YBX3: variants seen among roughly 807,000 people sequenced by gnomAD.
YBX3 encodes Y-box binding protein 3, also known as Y-box-binding protein 3.
YBX3 carries 29 observed loss-of-function variants against 42.4 expected under a neutral mutation model. The ratio of observed to expected loss-of-function variants is 0.68; its 90% confidence interval spans 0.51 to 0.93. The LOEUF (loss-of-function observed/expected upper bound fraction) is 0.93, where lower values mean the gene tolerates loss of function less well. Among genes scored for constraint, YBX3 ranks in the 40% least tolerant of loss-of-function variants. The pLI, the probability that YBX3 is intolerant of heterozygous loss-of-function variation, is 0.00. For synonymous variants in YBX3, 195 were observed against 189.8 expected, an observed-to-expected ratio of 1.03 and a Z score of -0.22; for missense variants, 517 against 527.5, an observed-to-expected ratio of 0.98 and a Z score of 0.19.
At chr12:10,717,289 G>A (rs1197650438) in intron 3 of YBX3, among the ~76,000 whole-genome samples, 1 of 152,162 alleles carries the variant, frequency 6.6e-6, no homozygotes, top group Non-Finnish European at 1.5e-5. Flanking sequence ...AGAATGGGCT[G>A]GCATTAGTAC....
intron 4 of YBX3, among the ~76,000 whole-genome samples, chr12:10,714,377 T>A (rs932943641): frequency 1.3e-5 from 2 of 152,176 alleles, no homozygotes; most frequent in Non-Finnish European, 2.9e-5. Context: ...CTATATGTAG[T>A]TTTAGCGTGT....
At chr12:10,717,270 C>T (rs1948273218) in intron 3 of YBX3, among the ~76,000 whole-genome samples, 1 of 152,154 alleles carries the variant, frequency 6.6e-6, no homozygotes, top group Admixed American at 6.5e-5. Context: ...TGGATTTCTG[C>T]ACTGCAAGAG....
chr12:10,710,655 T>C (rs1249647285), intron 5 of YBX3: 2 of 1,086,204 alleles, frequency 1.8e-6, no homozygotes, highest in African/African-American at 3.3e-5. Context: ...GCTATTTGCC[T>C]TTCCCAGGCA....
At chr12:10,708,864 G>A (rs930950197) in intron 6 of YBX3, among the ~76,000 whole-genome samples, 3 of 152,224 alleles carry the variant, frequency 2.0e-5, no homozygotes, top group Non-Finnish European at 4.4e-5. Flanking sequence ...CAAACACTAA[G>A]GAGGAGTATT....
rs1948255103 is a variant in YBX3, at chr12:10,715,791, GA to G, written c.361-9del. The G allele has an allele frequency of 1.2e-6, 2 of 1,612,172 alleles. No individual in the cohort carries two copies. Among genetic ancestry groups the G allele is most frequent in the African/African-American group, 2.7e-5 (2 of 74,998 alleles). ...ATTCTTCTTGATGGCAGTCTGGAAA[GA>G]GAACAGAAAATTTTATTCGATGTAT... On this transcript the variant is annotated splice_polypyrimidine_tract_variant and intron_variant, in intron 3 of 9. Coordinates refer to ENST00000228251, the MANE Select transcript of YBX3 (RefSeq NM_003651.5).
rs1042376565 is a variant in YBX3, at chr12:10,719,206, T to C, written c.263-63A>G. 9 of 1,374,786 alleles carry C rather than the reference T, an allele frequency of 6.5e-6. No homozygotes were observed. The African/African-American group carries it at 1.0e-4, about 15-fold the overall frequency. 85.2% of individuals were successfully genotyped at this position (1,374,786 alleles called of 1,614,324 possible). A position where few individuals can be genotyped will look rare whatever the true frequency, so the allele number is the denominator to read the frequency against. ...TACAGAGAGATATAGCTCATATCAC[T>C]AAGATCTTGATAACATTAGACAAAG... On this transcript the variant is annotated intron_variant, in intron 1 of 9. Transcript: ENST00000228251.
In YBX3 at chr12:10,723,194, G is replaced by C; in HGVS notation, c.-83C>G. The C allele has an allele frequency of 8.5e-7, 1 of 1,178,392 alleles. No homozygotes were observed. Among genetic ancestry groups the C allele is most frequent in the East Asian group, 3.7e-5 (1 of 26,692 alleles). The allele number at this position is 1,178,392 out of a possible 1,614,324, so 73.0% of individuals were successfully genotyped here. A position where few individuals can be genotyped will look rare whatever the true frequency, so the allele number is the denominator to read the frequency against. On this transcript the variant is annotated 5_prime_UTR_variant, in exon 1 of 10. Coordinates refer to ENST00000228251, the MANE Select transcript of YBX3 (RefSeq NM_003651.5). ...CGCGGCTGGTGGTCGCGGCGGCCGG[G>C]GCTCGCTCTCGGGGAGGCCGGGGCG...
chr12:10,722,502 C>T (rs74063018), intron 1 of YBX3: 106 of 177,280 alleles, frequency 6.0e-4, no homozygotes, highest in African/African-American at 2.4e-3. Context: ...CCCAGACTGC[C>T]TCTCCTTTCT....
intron 4 of YBX3, among the ~76,000 whole-genome samples, chr12:10,715,043 C>A (rs1948244441): frequency 6.6e-6 from 1 of 151,842 alleles, no homozygotes; most frequent in Non-Finnish European, 1.5e-5. Flanking sequence ...GGCCACCACG[C>A]CCAGCTGCAA....
At chr12:10,712,179 T>C (rs1294640166) in intron 5 of YBX3, 2 of 152,222 alleles carry the variant, frequency 1.3e-5, no homozygotes, top group Non-Finnish European at 2.9e-5. Flanking sequence ...CTGCAGATAT[T>C]TAATTCTGAT....
intron 6 of YBX3, among the ~76,000 whole-genome samples, chr12:10,709,655 C>G (rs993702972): frequency 6.6e-6 from 1 of 152,186 alleles, no homozygotes; most frequent in Non-Finnish European, 1.5e-5. Flanking sequence ...TTCTTTTGTT[C>G]TTCTATCAAC....
Position 10,702,037 on chromosome 12 carries a change from G to A in YBX3, c.976C>T (p.Arg326Cys), listed in dbSNP as rs1345591503. 1.2e-5 allele frequency: 20 copies of A among 1,614,032 alleles called. No individual in the cohort carries two copies. The highest frequency in any genetic ancestry group is 4.5e-5 in the East Asian group (2 of 44,886). The change falls in exon 8 of 10, where the codon CGC (arginine) becomes TGC (cysteine). Residue 326 changes from arginine to cysteine, a missense_variant. Arg to Cys is a radical substitution (Grantham distance 180). Around this residue, in one of 3 missense-constraint regions of YBX3, gnomAD observed 420 missense variants for 408.5 expected, o/e 1.03. Transcript: ENST00000228251. ...TTGTAGGGACGCCGGTATCCACGGC[G>A]AACAGACGGCTGGTTTGGACCACTG... ...ATSGPNQPSV[R>C]RGYRRPYNYR...
intron 8 of YBX3, 134 bp from the exon 9 acceptor site, chr12:10,701,487 T>G (rs1340734947): frequency 3.5e-5 from 23 of 657,372 alleles, no homozygotes; most frequent in Non-Finnish European, 5.8e-5. Flanking sequence ...CTCTTAAGTA[T>G]GAGTCACAAA....
In YBX3 at chr12:10,701,258, C is replaced by G. The variant is rs369517665; in HGVS notation, c.*30G>C. On this transcript the variant is annotated 3_prime_UTR_variant, in exon 9 of 10. Transcript: ENST00000228251. ...CTGGGCTGCCCCAGCTCTTACCTGC[C>G]GATGGTGAAGGTGCCTGAGGAGCCT... 1.3e-6 allele frequency: 1 copy of G among 778,484 alleles called. No individual in the cohort carries two copies. The highest frequency in any genetic ancestry group is 2.4e-6 in the Non-Finnish European group (1 of 417,654). The allele number at this position is 778,484 out of a possible 1,614,324, so 48.2% of individuals were successfully genotyped here. A position where few individuals can be genotyped will look rare whatever the true frequency, so the allele number is the denominator to read the frequency against.
chr12:10,714,404 T>C (rs1291602391), intron 4 of YBX3, among the ~76,000 whole-genome samples: 1 of 152,156 alleles, frequency 6.6e-6, no homozygotes, highest in African/African-American at 2.4e-5. Context: ...TCTTACTCAA[T>C]ATTGTTTTAC....
intron 6 of YBX3, among the ~76,000 whole-genome samples, chr12:10,705,238 C>T (rs937500907): frequency 6.6e-6 from 1 of 152,146 alleles, no homozygotes; most frequent in Non-Finnish European, 1.5e-5. Context: ...GGACTACAGG[C>T]ATGTGCCACC....
At chr12:10,715,609 C>A in intron 4 of YBX3, 85 bp downstream of exon 4, 2 of 1,248,344 alleles carry the variant, frequency 1.6e-6, no homozygotes, top group Admixed American at 1.9e-5. Context: ...AAAGTCATGT[C>A]AATTCATAAG....
chr12:10,718,183 C>T lies in YBX3; in HGVS notation c.327-62G>A. 6 of 1,499,038 alleles carry T rather than the reference C, an allele frequency of 4.0e-6. No homozygotes were observed. In the South Asian group the frequency reaches 6.0e-5, roughly 15 times the overall value. The allele number at this position is 1,499,038 out of a possible 1,614,324, so 92.9% of individuals were successfully genotyped here. ...ACGTATGTGGAAAAACTTAAAAGAA[C>T]CTATGTGTTATGAATTTAACTCCCA... On this transcript the variant is annotated intron_variant, in intron 2 of 9. Coordinates refer to ENST00000228251, the MANE Select transcript of YBX3 (RefSeq NM_003651.5).
At chr12:10,722,799 G>T (rs1948344953) in intron 1 of YBX3, 51 bp downstream of exon 1, 2 of 1,366,448 alleles carry the variant, frequency 1.5e-6, no homozygotes, top group Non-Finnish European at 1.9e-6. Flanking sequence ...CTCCGCGGCC[G>T]GCTGGGCCCG....
Sources: gnomAD v4.1 joint callset for allele counts (sites outside exome capture counted in the v4.1 genomes callset) on GRCh38, gnomAD v4.1.1 for gene constraint, gnomAD v4.1.1 regional missense constraint, MANE v1.5 for transcripts, NCBI Gene and HGNC (gene_info 2026-07-23, HGNC 2026-07-21) for gene names.